RANBP17: variants seen among roughly 807,000 people sequenced by gnomAD.
The protein encoded by RANBP17 is RAN binding protein 17, also known as ran-binding protein 17.
RANBP17 carries 158 observed loss-of-function variants against 141.2 expected under a neutral mutation model. The observed-to-expected ratio is 1.12, with a 90% CI of 0.98 to 1.28. RANBP17 has a LOEUF of 1.28. RANBP17 is among the 50% of genes most tolerant of loss of function. The pLI is 0.00. For synonymous variants in RANBP17, 430 were observed against 450.0 expected (o/e 0.96, Z 0.56); for missense variants, 1,438 against 1,290.7 (o/e 1.11, Z -1.75).
intron 18 of RANBP17, among the ~76,000 whole-genome samples, chr5:171,193,620 G>A (rs947515549): frequency 6.6e-6 from 1 of 152,168 alleles, no homozygotes; most frequent in Non-Finnish European, 1.5e-5. Flanking sequence ...TGTCAGCAGG[G>A]CTCTAAGGAA....
At chr5:171,047,257 A>G (rs1178978712) in intron 14 of RANBP17, among the ~76,000 whole-genome samples, 2 of 150,356 alleles carry the variant, frequency 1.3e-5, no homozygotes, top group Admixed American at 6.6e-5. Flanking sequence ...ACCTCATGTG[A>G]TCCACCCACC....
chr5:171,245,329 T>C (rs1209613992), intron 24 of RANBP17, among the ~76,000 whole-genome samples: 1 of 152,232 alleles, frequency 6.6e-6, no homozygotes, highest in East Asian at 1.9e-4. Context: ...TTTTTATTTT[T>C]TGGAGACAGA....
chr5:171,294,107 C>T (rs1458509013), intron 26 of RANBP17, 126 bp downstream of exon 26: 6 of 724,772 alleles, frequency 8.3e-6, no homozygotes, highest in Middle Eastern at 3.9e-4. Flanking sequence ...TGGGACCTTG[C>T]GAACTCTGTG....
At chr5:170,944,454 G>A (rs1298802204) in intron 12 of RANBP17, among the ~76,000 whole-genome samples, 2 of 152,266 alleles carry the variant, frequency 1.3e-5, no homozygotes, top group Non-Finnish European at 2.9e-5. Context: ...TTTTGGTAGA[G>A]ACAGGGTTTT....
chr5:170,909,113 T>C (rs551796780), intron 5 of RANBP17, among the ~76,000 whole-genome samples: 2 of 152,042 alleles, frequency 1.3e-5, no homozygotes, highest in South Asian at 4.1e-4. Flanking sequence ...TGTCATTAGC[T>C]AATAAAATAT....
chr5:171,157,696 TTTGAGGG>T (rs111998029), intron 14 of RANBP17, among the ~76,000 whole-genome samples: 7 of 152,340 alleles, frequency 4.6e-5, no homozygotes, highest in African/African-American at 1.7e-4. Context: ...ATTTTTAACA[TTTGAGGG>T]TTGAGCTATG....
At chr5:171,003,762 C>A (rs372283148) in intron 14 of RANBP17, among the ~76,000 whole-genome samples, 1 of 152,106 alleles carries the variant, frequency 6.6e-6, no homozygotes, top group Non-Finnish European at 1.5e-5. Flanking sequence ...TGAAGCCTTG[C>A]GGCAGTACAG....
chr5:171,287,368 T>A (rs935166619), intron 25 of RANBP17, among the ~76,000 whole-genome samples: 2 of 152,010 alleles, frequency 1.3e-5, no homozygotes, highest in African/African-American at 2.4e-5. Flanking sequence ...CCCGTGCCTA[T>A]AGCCCCAGCT....
intron 21 of RANBP17, 89 bp downstream of exon 21, chr5:171,213,827 C>T: frequency 5.2e-6 from 5 of 959,328 alleles, no homozygotes; most frequent in Non-Finnish European, 8.5e-6. Flanking sequence ...TTGTGTCTTT[C>T]CAAGGTAGTT....
chr5:171,238,525 C>A (rs1764682926), intron 22 of RANBP17, among the ~76,000 whole-genome samples: 1 of 152,068 alleles, frequency 6.6e-6, no homozygotes, highest in Admixed American at 6.6e-5. Context: ...TAAAAAGGCC[C>A]CAAAAGTTTT....
rs1193708365 is a variant in RANBP17 at position 171,154,620 on chromosome 5, T to C, written c.1711-15510T>C. Among the ~76,000 whole-genome samples the C allele has an allele frequency of 3.9e-5, 6 of 152,332 alleles. No homozygotes were observed. The East Asian group carries it at 1.2e-3, about 29-fold the overall frequency. On this transcript the variant is annotated intron_variant, in intron 14 of 27. Transcript: ENST00000523189. ...ATATTGAATGAAATAGCATTTAATA[T>C]AGTGTTTACTTTGGATTTACTAGAA...
At chr5:171,165,326 T>G (rs1759617054) in intron 14 of RANBP17, among the ~76,000 whole-genome samples, 1 of 151,982 alleles carries the variant, frequency 6.6e-6, no homozygotes, top group Admixed American at 6.6e-5. Flanking sequence ...GGATTACAGG[T>G]ACACGCCACG....
At chr5:171,134,578 G>T (rs1426073245) in intron 14 of RANBP17, among the ~76,000 whole-genome samples, 1 of 152,118 alleles carries the variant, frequency 6.6e-6, no homozygotes, top group Non-Finnish European at 1.5e-5. Flanking sequence ...TAGTTATTTT[G>T]TCAAATAAAT....
At chr5:171,235,135 GTCAA>G (rs1764457045) in intron 22 of RANBP17, among the ~76,000 whole-genome samples, 1 of 152,138 alleles carries the variant, frequency 6.6e-6, no homozygotes, top group Admixed American at 6.6e-5. Flanking sequence ...AAAGCTGCCA[GTCAA>G]TCAAGTAAGA....
intron 14 of RANBP17, among the ~76,000 whole-genome samples, chr5:171,058,628 G>A (rs1334133478): frequency 2.7e-5 from 4 of 150,582 alleles, no homozygotes; most frequent in Non-Finnish European, 5.9e-5. Flanking sequence ...ACATATGTGT[G>A]CATGTGTCTT....
chr5:171,252,241 A>G, intron 24 of RANBP17: 3 of 1,574,296 alleles, frequency 1.9e-6, no homozygotes, highest in African/African-American at 1.4e-5. Context: ...ACAAGAAGAG[A>G]GAAAGCAAGA....
At chr5:171,001,900 C>A (rs1256927175) in intron 14 of RANBP17, among the ~76,000 whole-genome samples, 1 of 152,062 alleles carries the variant, frequency 6.6e-6, no homozygotes. Context: ...CTCTACCCAT[C>A]CAGTGAAAGC....
At chr5:171,109,183 G>A (rs1755049531) in intron 14 of RANBP17, among the ~76,000 whole-genome samples, 1 of 152,038 alleles carries the variant, frequency 6.6e-6, no homozygotes, top group Non-Finnish European at 1.5e-5. Context: ...AATCCACTCG[G>A]CCACATTTTT....
At chr5:171,098,608 G>GT (rs1186885427) in intron 14 of RANBP17, among the ~76,000 whole-genome samples, 2 of 152,110 alleles carry the variant, frequency 1.3e-5, no homozygotes, top group African/African-American at 2.4e-5. Context: ...TCTGATGATA[G>GT]TTTCTTTTGC....
Sources: gnomAD v4.1 joint callset for allele counts (sites outside exome capture counted in the v4.1 genomes callset) on GRCh38, gnomAD v4.1.1 for gene constraint, MANE v1.5 for transcripts, NCBI Gene and HGNC (gene_info 2026-07-23, HGNC 2026-07-21) for gene names.